The following TREML1 variants were observed in gnomAD, a reference collection of about 807,000 sequenced individuals.
TREML1 encodes triggering receptor expressed on myeloid cells like 1.
In TREML1, 27 loss-of-function variants were observed where a neutral mutation model predicts 22.8. The observed-to-expected ratio is 1.19, with a 90% CI of 0.87 to 1.64. The LOEUF is 1.64. Among genes scored for constraint, TREML1 ranks in the 40% most tolerant of loss-of-function variants. The pLI is 0.00. For missense variants in TREML1, 356 were observed against 382.0 expected (o/e 0.93, Z 0.57); for synonymous variants, 153 against 161.9 (o/e 0.94, Z 0.42).
In TREML1 at chr6:41,150,289, C is replaced by T. The variant is rs1170054318; in HGVS notation, c.593G>A (p.Arg198Gln). Residue 198 changes from arginine (R) to glutamine (Q), a missense_variant, in exon 5 of 6, where the codon CGA (arginine) becomes CAA (glutamine). Physicochemically the swap from Arg to Gln is conservative, Grantham distance 43 (BLOSUM62 1). Coordinates refer to ENST00000426005, the MANE Select transcript of TREML1 (RefSeq NM_178174.4). ...GCCTGAAACTCTGCTGCTCAGGAAT[C>T]GGCCACAGACACCAAGCCTGTTCCC... ...KQGNRLGVCGRFLSSRVSGMN... is the reference protein window; with the variant it reads ...KQGNRLGVCGQFLSSRVSGMN... The T allele has an allele frequency of 7.4e-6, 12 of 1,614,010 alleles. No homozygotes were observed. Among genetic ancestry groups the T allele is most frequent in the South Asian group, 3.3e-5 (3 of 91,062 alleles).
chr6:41,152,878 AC>A (rs1765302400), intron 2 of TREML1, among the ~76,000 whole-genome samples: 1 of 152,202 alleles, frequency 6.6e-6, no homozygotes, highest in African/African-American at 2.4e-5. Flanking sequence ...CTCAAACAAA[AC>A]AAAAAACAAG....
In TREML1 at chr6:41,151,315, G is replaced by A; in HGVS notation, c.446C>T (p.Ala149Val). Reference protein sequence around the residue: ...ENAFSDPAGSANPLEPSQDEK... With the variant: ...ENAFSDPAGSVNPLEPSQDEK... ...ATCCTGGCTGGGTTCCAAAGGGTTGGCACTGCCTGCAGGGTCTGAGAATGC... is the reference window on the plus strand; with the variant it reads ...ATCCTGGCTGGGTTCCAAAGGGTTGACACTGCCTGCAGGGTCTGAGAATGC... The change falls in exon 3 of 6, where the codon GCC becomes GTC. Residue 149 changes from alanine (A) to valine (V), a missense_variant. Physicochemically the swap from Ala to Val is moderately conservative, Grantham distance 64. Coordinates refer to ENST00000426005, the MANE Select transcript of TREML1 (RefSeq NM_178174.4). 6.2e-7 allele frequency: 1 copy of A among 1,614,200 alleles called. No individual in the cohort carries two copies. Among genetic ancestry groups the A allele is most frequent in the South Asian group, 1.1e-5 (1 of 91,078 alleles).
In TREML1 at chr6:41,153,961, C is replaced by A. The variant is rs770347901; in HGVS notation, c.173G>T (p.Gly58Val). Residue 58 changes from glycine to valine, a missense_variant, in exon 2 of 6, where the codon GGG becomes GTG. Transcript: ENST00000426005. ...AGCTGAGGACACCAGGGGCTGGCACCCCTCCGGCAAGAACCGGCACCACAC... is the reference window on the plus strand; with the variant it reads ...AGCTGAGGACACCAGGGGCTGGCACACCTCCGGCAAGAACCGGCACCACAC... ...QKVWCRFLPE[G>V]CQPLVSSAVD... is the part of the protein sequence containing the mutation. 10 of 1,614,060 alleles carry A rather than the reference C, an allele frequency of 6.2e-6. No individual in the cohort carries two copies. In the African/African-American group the frequency reaches 1.2e-4, roughly 19 times the overall value.
Position 41,149,682 on chromosome 6 carries a change from G to A in TREML1, c.858C>T (p.Phe286=), listed in dbSNP as rs1765191321. The A allele has an allele frequency of 6.2e-7, 1 of 1,614,078 alleles. No individual in the cohort carries two copies. Among genetic ancestry groups the A allele is most frequent in the Admixed American group, 1.7e-5 (1 of 60,000 alleles). The change falls in exon 6 of 6, where the codon TTC becomes TTT. Residue 286 remains phenylalanine (F), a synonymous_variant. Coordinates refer to ENST00000426005, the MANE Select transcript of TREML1 (RefSeq NM_178174.4). ...SKPVTYATVI[F]PGGNKGGGTS... ...TCCCTCCACCCTTGTTCCCTCCCGGGAAGATTACTGTGGCATATGTCACAG... is the reference window on the plus strand; with the variant it reads ...TCCCTCCACCCTTGTTCCCTCCCGGAAAGATTACTGTGGCATATGTCACAG...
chr6:41,152,874 CAA>C (rs1765302232), intron 2 of TREML1, among the ~76,000 whole-genome samples: 1 of 149,212 alleles, frequency 6.7e-6, no homozygotes, highest in Non-Finnish European at 1.5e-5. Context: ...CTGTCTCAAA[CAA>C]AACAAAAAAC....
intron 2 of TREML1, among the ~76,000 whole-genome samples, chr6:41,152,903 C>T (rs1205808786): frequency 6.6e-6 from 1 of 151,824 alleles, no homozygotes; most frequent in African/African-American, 2.4e-5. Context: ...AGGGAAAATG[C>T]TCTACTTAAT....
chr6:41,149,543 C>A lies in TREML1; in HGVS notation c.*61G>T. On this transcript the variant is annotated 3_prime_UTR_variant, in exon 6 of 6. Coordinates refer to ENST00000426005, the MANE Select transcript of TREML1 (RefSeq NM_178174.4). ...CTAAGGATCCTAGGGCATGAGCTGG[C>A]TGGATGGATGCACAGAACCCCTAGG... 1 of 1,532,612 alleles carries A rather than the reference C, an allele frequency of 6.5e-7. No homozygotes were observed. Among genetic ancestry groups the A allele is most frequent in the East Asian group, 2.3e-5 (1 of 44,164 alleles). The allele number at this position is 1,532,612 out of a possible 1,614,324, so 94.9% of individuals were successfully genotyped here. A position where few individuals can be genotyped will look rare whatever the true frequency, so the allele number is the denominator to read the frequency against.
chr6:41,153,761 G>GGGGCA lies in TREML1; in HGVS notation c.368_372dup (p.Pro125CysfsTer41). 2 of 1,603,012 alleles carry GGGGCA rather than the reference G, an allele frequency of 1.2e-6. No homozygotes were observed. Among genetic ancestry groups the GGGGCA allele is most frequent in the Non-Finnish European group, 1.7e-6 (2 of 1,173,520 alleles). The stretch of plus-strand genomic sequence containing the variant: ...TAGCTGGCCTAGGATAACTCACCTG[G>GGGGCA]GGGCAGTATGTTCAGAGAGACTCTG... On this transcript the variant is annotated frameshift_variant, in exon 2 of 6. Coordinates refer to ENST00000426005, the MANE Select transcript of TREML1 (RefSeq NM_178174.4). LOFTEE classifies it high-confidence loss of function.
rs1398818519 is a variant in TREML1 at position 41,149,432 on chromosome 6, A to T, written c.*172T>A. The T allele has an allele frequency of 2.9e-6, 2 of 698,318 alleles. No homozygotes were observed. The highest frequency in any genetic ancestry group is 2.3e-6 in the Non-Finnish European group (1 of 428,964). The allele number at this position is 698,318 out of a possible 1,614,324, so 43.3% of individuals were successfully genotyped here. A position where few individuals can be genotyped will look rare whatever the true frequency, so the allele number is the denominator to read the frequency against. ...TGGGTGCAGGGAGGTCTTCCCCAAG[A>T]CATCTCAGTCATGTCTGAGCGTCAC... On this transcript the variant is annotated 3_prime_UTR_variant, in exon 6 of 6. Coordinates refer to ENST00000426005, the MANE Select transcript of TREML1 (RefSeq NM_178174.4).
At chr6:41,151,616 C>A (rs183395418) in intron 2 of TREML1, 1 of 530,390 alleles carries the variant, frequency 1.9e-6, no homozygotes, top group Non-Finnish European at 3.4e-6. Flanking sequence ...TGTGACTACA[C>A]CCACTTTTCC....
At position 41,153,738 on chromosome 6, in the gene TREML1, G is replaced by T. The variant is rs1303072027; in HGVS notation, c.376+20C>A. 1 of 1,576,308 alleles carries T rather than the reference G, an allele frequency of 6.3e-7. No homozygotes were observed. Among genetic ancestry groups the T allele is most frequent in the South Asian group, 1.2e-5 (1 of 85,330 alleles). On this transcript the variant is annotated intron_variant, in intron 2 of 5. Coordinates refer to ENST00000426005, the MANE Select transcript of TREML1 (RefSeq NM_178174.4). ...GGGAGGGTAGGTCTAAGGGGTGGTA[G>T]CTGGCCTAGGATAACTCACCTGGGG...
intron 5 of TREML1, 140 bp downstream of exon 5, chr6:41,150,121 G>A (rs1301500431): frequency 9.4e-7 from 1 of 1,065,864 alleles, no homozygotes. Context: ...TTAGTGTCAA[G>A]TTTACAGCAT....
rs767822373 is a variant in TREML1 at position 41,150,290 on chromosome 6, G to T, written c.592C>A (p.Arg198=). 6.2e-7 allele frequency: 1 copy of T among 1,613,950 alleles called. No homozygotes were observed. The highest frequency in any genetic ancestry group is 2.2e-5 in the East Asian group (1 of 44,864). Reference sequence around the variant, plus strand: ...CCTGAAACTCTGCTGCTCAGGAATCGGCCACAGACACCAAGCCTGTTCCCT... The same window carrying T: ...CCTGAAACTCTGCTGCTCAGGAATCTGCCACAGACACCAAGCCTGTTCCCT... ...KQGNRLGVCG[R]FLSSRVSGMN... is the part of the protein sequence containing the mutation. Residue 198 remains arginine (R), a synonymous_variant, in exon 5 of 6, where the codon CGA becomes AGA. Coordinates refer to ENST00000426005, the MANE Select transcript of TREML1 (RefSeq NM_178174.4).
Position 41,153,934 on chromosome 6 carries a change from A to G in TREML1, c.200T>C (p.Val67Ala), listed in dbSNP as rs1172822694. Reference protein sequence around the residue: ...EGCQPLVSSAVDRRAPAGRRT... With the variant: ...EGCQPLVSSAADRRAPAGRRT... ...CCTGCCCGCTGGAGCTCTGCGATCC[A>G]CAGCTGAGGACACCAGGGGCTGGCA... The change falls in exon 2 of 6, where the codon GTG becomes GCG. Residue 67 changes from valine to alanine, a missense_variant. By Grantham distance (64) the Val-to-Ala change is moderately conservative. Transcript: ENST00000426005. The G allele has an allele frequency of 2.5e-6, 4 of 1,614,168 alleles. No homozygotes were observed. Among genetic ancestry groups the G allele is most frequent in the Admixed American group, 1.7e-5 (1 of 60,022 alleles).
chr6:41,152,717 A>G (rs1765295217), intron 2 of TREML1, among the ~76,000 whole-genome samples: 1 of 152,082 alleles, frequency 6.6e-6, no homozygotes, highest in Admixed American at 6.5e-5. Flanking sequence ...TACTAAAAAT[A>G]CAAAAATTAG....
Position 41,150,260 on chromosome 6 carries a change from C to A in TREML1, c.621+1G>T, listed in dbSNP as rs149851561. The A allele has an allele frequency of 1.1e-4, 171 of 1,613,958 alleles. 1 individual carries two copies. In the African/African-American group the frequency reaches 2.0e-3, roughly 19 times the overall value. On this transcript the variant is annotated splice_donor_variant, in intron 5 of 5. Transcript: ENST00000426005. LOFTEE classifies it high-confidence loss of function. Reference sequence around the variant, plus strand: ...GCTGTGGGCCTGCAGAGGCCTCTTACCATGCCTGAAACTCTGCTGCTCAGG... The same window carrying A: ...GCTGTGGGCCTGCAGAGGCCTCTTAACATGCCTGAAACTCTGCTGCTCAGG...
upstream of TREML1, among the ~76,000 whole-genome samples, chr6:41,154,718 C>A (rs1244999155): frequency 1.3e-5 from 2 of 152,162 alleles, no homozygotes; most frequent in Non-Finnish European, 2.9e-5. Flanking sequence ...TTTGGGAGTG[C>A]CCCACGACCA....
Position 41,154,034 on chromosome 6 carries a change from T to C in TREML1, c.100A>G (p.Ile34Val). ...AGCCTGTAGTGGCACTGCACCAGAA[T>C]GGAGCTTCCCACGGGTGCCTGCAGC... Reference protein sequence around the residue: ...EVLQAPVGSSILVQCHYRLQD... With the variant: ...EVLQAPVGSSVLVQCHYRLQD... Residue 34 changes from isoleucine to valine, a missense_variant, in exon 2 of 6, where the codon ATT (isoleucine) becomes GTT (valine). Ile to Val is a conservative substitution (Grantham distance 29). Transcript: ENST00000426005. 1 of 1,614,118 alleles carries C rather than the reference T, an allele frequency of 6.2e-7. No individual in the cohort carries two copies. The highest frequency in any genetic ancestry group is 1.3e-5 in the African/African-American group (1 of 75,058).
chr6:41,154,684 C>T (rs1186464895), upstream of TREML1, among the ~76,000 whole-genome samples: 3 of 152,320 alleles, frequency 2.0e-5, no homozygotes, highest in South Asian at 6.2e-4. Flanking sequence ...GCACCTCACT[C>T]AATGCCATTC....
Sources: gnomAD v4.1 joint callset for allele counts (sites outside exome capture counted in the v4.1 genomes callset) on GRCh38, gnomAD v4.1.1 for gene constraint, MANE v1.5 for transcripts, NCBI Gene and HGNC (gene_info 2026-07-23, HGNC 2026-07-21) for gene names.